The following ELMO1 variants were observed in gnomAD, a reference collection of about 807,000 sequenced individuals.
ELMO1 encodes the protein engulfment and cell motility protein 1.
In ELMO1, 26 loss-of-function variants were observed where a neutral mutation model predicts 98.9. The observed-to-expected ratio is 0.26, with a 90% CI of 0.19 to 0.36. ELMO1 has a LOEUF of 0.36. Ranked by LOEUF, ELMO1 falls within the 10% of genes least tolerant of loss-of-function variation. The pLI is 1.00. For synonymous variants in ELMO1, 346 were observed against 346.0 expected (o/e 1.00, Z 0.00); for missense variants, 627 against 935.2 (o/e 0.67, Z 4.30).
At chr7:36,895,905 C>T (rs1805962625) in intron 16 of ELMO1, among the ~76,000 whole-genome samples, 1 of 152,114 alleles carries the variant, frequency 6.6e-6, no homozygotes, top group South Asian at 2.1e-4. Flanking sequence ...CTTTCTTTAT[C>T]CACTCAAACC....
At chr7:37,157,985 C>T (rs1440988916) in intron 13 of ELMO1, among the ~76,000 whole-genome samples, 1 of 152,090 alleles carries the variant, frequency 6.6e-6, no homozygotes, top group Non-Finnish European at 1.5e-5. Context: ...GAACAGAGCC[C>T]TCAGAAATAA....
In ELMO1 at chr7:36,870,533, T is replaced by C; in HGVS notation, c.1823-58A>G. ...CACCATGTGAAAACTTTGATGTCAATAAAGAAACAGGACTAAGCACTGGGT... is the reference window on the plus strand; with the variant it reads ...CACCATGTGAAAACTTTGATGTCAACAAAGAAACAGGACTAAGCACTGGGT... On this transcript the variant is annotated intron_variant, in intron 19 of 21. Transcript: ENST00000310758. This position sits in a 1 kb window ranked among gnomAD's most constrained non-coding sequence, Gnocchi z 4.4. 6.5e-7 allele frequency: 1 copy of C among 1,548,622 alleles called. No individual in the cohort carries two copies. The highest frequency in any genetic ancestry group is 8.9e-7 in the Non-Finnish European group (1 of 1,129,686).
chr7:37,291,977 A>G (rs1305132361), intron 4 of ELMO1, among the ~76,000 whole-genome samples: 2 of 103,520 alleles, frequency 1.9e-5, no homozygotes, highest in African/African-American at 3.6e-5. Flanking sequence ...CTCTCTTTCC[A>G]CGGTCTCCCT....
chr7:36,938,442 CTG>C (rs1268028937), intron 16 of ELMO1, among the ~76,000 whole-genome samples: 1 of 152,118 alleles, frequency 6.6e-6, no homozygotes, highest in Non-Finnish European at 1.5e-5. Flanking sequence ...TTTAAGAAAA[CTG>C]AAACTGGAAA....
chr7:36,985,913 G>T, intron 16 of ELMO1: 1 of 1,002,754 alleles, frequency 1.0e-6, no homozygotes, highest in Middle Eastern at 2.8e-4. Context: ...TGAGACGGAG[G>T]TTTACTCACC....
At chr7:37,003,238 G>A (rs1792805642) in intron 16 of ELMO1, among the ~76,000 whole-genome samples, 1 of 152,156 alleles carries the variant, frequency 6.6e-6, no homozygotes, top group Admixed American at 6.5e-5. Flanking sequence ...AAAGGGGCTG[G>A]AATGCTGGGA....
chr7:37,448,406 C>G (rs1805746299), intron 1 of ELMO1, among the ~76,000 whole-genome samples: 1 of 152,032 alleles, frequency 6.6e-6, no homozygotes, highest in Admixed American at 6.6e-5. Flanking sequence ...CCCCTCCCTC[C>G]GCTCCCACTC....
chr7:37,375,266 G>T (rs1005415959), intron 1 of ELMO1, among the ~76,000 whole-genome samples: 5 of 152,126 alleles, frequency 3.3e-5, no homozygotes, highest in Non-Finnish European at 5.9e-5. Flanking sequence ...TTCTGTTTTT[G>T]TAATCTAGTA....
chr7:36,950,735 C>G (rs763404303), intron 16 of ELMO1, among the ~76,000 whole-genome samples: 1 of 152,170 alleles, frequency 6.6e-6, no homozygotes, highest in Non-Finnish European at 1.5e-5. Flanking sequence ...TTATGGAGAT[C>G]GAAGCAATGG....
intron 2 of ELMO1, among the ~76,000 whole-genome samples, chr7:37,317,109 T>G (rs533889582): frequency 1.3e-5 from 2 of 152,272 alleles, no homozygotes; most frequent in Admixed American, 1.3e-4. Context: ...AAAAAAGGAT[T>G]AGGACTCCTG....
intron 1 of ELMO1, among the ~76,000 whole-genome samples, chr7:37,426,447 C>A (rs984261952): frequency 1.6e-4 from 25 of 152,002 alleles, no homozygotes; most frequent in African/African-American, 5.6e-4. Flanking sequence ...AGCCACCACA[C>A]CCATCTTGTA....
In ELMO1 at chr7:37,096,717, T is replaced by A. The variant is rs1022753634; in HGVS notation, c.1202A>T (p.Glu401Val). 6.2e-7 allele frequency: 1 copy of A among 1,613,990 alleles called. No homozygotes were observed. Among genetic ancestry groups the A allele is most frequent in the South Asian group, 1.1e-5 (1 of 91,084 alleles). ...ATGCTTGTCTTCTCGACTACTGTTC[T>A]CAAGCACAATCTGTAATGGGAAAGG... ...HQDAYIRIVL[E>V]NSSREDKHEC... is the part of the protein sequence containing the mutation. Residue 401 changes from glutamate to valine, a missense_variant, in exon 15 of 22, where the codon GAG (glutamate) becomes GTG (valine). By Grantham distance (121) the Glu-to-Val change is moderately radical (BLOSUM62 -2). This residue lies in a region of ELMO1 where 492 missense variants were observed against 715.6 expected (regional missense o/e 0.69). Coordinates refer to ENST00000310758, the MANE Select transcript of ELMO1 (RefSeq NM_014800.11).
At chr7:37,066,439 G>C (rs1323310612) in intron 15 of ELMO1, among the ~76,000 whole-genome samples, 2 of 152,154 alleles carry the variant, frequency 1.3e-5, no homozygotes, top group African/African-American at 4.8e-5. Context: ...GCCCTTTCCT[G>C]GCTGTGGCCA....
intron 4 of ELMO1, among the ~76,000 whole-genome samples, chr7:37,304,880 G>A (rs1173333588): frequency 6.6e-6 from 1 of 152,114 alleles, no homozygotes; most frequent in East Asian, 1.9e-4. Flanking sequence ...AATTCTAACT[G>A]CAAATAGTTG....
intron 15 of ELMO1, among the ~76,000 whole-genome samples, chr7:37,088,227 G>A (rs972655288): frequency 1.1e-4 from 16 of 152,320 alleles, no homozygotes; most frequent in African/African-American, 3.8e-4. Context: ...TAATTGAGAT[G>A]TGCTTAGTAT....
intron 4 of ELMO1, among the ~76,000 whole-genome samples, chr7:37,304,948 CAA>C (rs756926519): frequency 2.6e-5 from 4 of 152,080 alleles, no homozygotes; most frequent in African/African-American, 9.7e-5. Context: ...TGTGACTGTG[CAA>C]AGTTTTTCCT....
At chr7:37,067,639 G>T (rs560032312) in intron 15 of ELMO1, among the ~76,000 whole-genome samples, 115 of 152,002 alleles carry the variant, frequency 7.6e-4, no homozygotes, top group Admixed American at 1.4e-3. Flanking sequence ...AAACAACCTT[G>T]TTTCTAAGTT....
intron 5 of ELMO1, chr7:37,270,183 G>A (rs960253585): frequency 6.6e-6 from 1 of 152,162 alleles, no homozygotes; most frequent in African/African-American, 2.4e-5. Context: ...ACTTGAGTAA[G>A]AAGACCAATG....
intron 2 of ELMO1, among the ~76,000 whole-genome samples, chr7:37,337,239 T>A (rs537895213): frequency 4.6e-5 from 7 of 152,286 alleles, no homozygotes; most frequent in African/African-American, 7.2e-5. Flanking sequence ...GATGAGTTCA[T>A]GTCCTTTGGA....
Sources: allele counts gnomAD v4.1 joint callset (sites outside exome capture counted in the v4.1 genomes callset), GRCh38; gene constraint gnomAD v4.1.1; regional missense constraint gnomAD v4.1.1; non-coding constraint Gnocchi (gnomAD v3.1); transcripts MANE v1.5; gene names NCBI Gene and HGNC (gene_info 2026-07-23, HGNC 2026-07-21).